The following SEMA3E variants were observed in gnomAD, a reference collection of about 807,000 sequenced individuals.
SEMA3E encodes the protein semaphorin-3E.
In SEMA3E, 49 loss-of-function variants were observed where a neutral mutation model predicts 93.6. The ratio of observed to expected loss-of-function variants is 0.52; its 90% confidence interval spans 0.42 to 0.66. The LOEUF (loss-of-function observed/expected upper bound fraction) is 0.66. Ranked by LOEUF, SEMA3E falls within the 30% of genes least tolerant of loss-of-function variation. The pLI is 0.00. For synonymous variants in SEMA3E, 363 were observed against 330.7 expected (o/e 1.10, Z -1.06); for missense variants, 906 against 964.8 (o/e 0.94, Z 0.81).
At chr7:83,442,598 TTTTC>T (rs1789138263) in intron 4 of SEMA3E, among the ~76,000 whole-genome samples, 2 of 152,206 alleles carry the variant, frequency 1.3e-5, no homozygotes, top group Admixed American at 1.3e-4. Context: ...TATTTTTCTC[TTTTC>T]TTTTTTCTAC....
intron 1 of SEMA3E, among the ~76,000 whole-genome samples, chr7:83,518,288 T>C (rs73376794): frequency 0.019 from 2,906 of 152,136 alleles, 92 homozygotes; most frequent in African/African-American, 0.066. Flanking sequence ...AATTAACGTG[T>C]TCATTTGCCA....
At chr7:83,593,510 A>G (rs1792804500) in intron 1 of SEMA3E, among the ~76,000 whole-genome samples, 1 of 152,050 alleles carries the variant, frequency 6.6e-6, no homozygotes. Context: ...TAGATATACA[A>G]TCAAGAATAC....
chr7:83,449,121 AC>A lies in SEMA3E; in HGVS notation c.456+17360del, dbSNP rs1355730589. On this transcript the variant is annotated intron_variant, in intron 4 of 16. Transcript: ENST00000643230. ...ATTTATTTATTTATTTATTTATGAG[AC>A]AGGTTCTGGCTCTGTCGCTCAGGCT... 5.7e-5 allele frequency among the ~76,000 whole-genome samples: 7 copies of A among 123,508 alleles called. No homozygotes were observed. In the East Asian group the frequency reaches 2.1e-3, roughly 36 times the overall value. 81.0% of individuals were successfully genotyped at this position (123,508 alleles called of 152,430 possible).
intron 1 of SEMA3E, among the ~76,000 whole-genome samples, chr7:83,635,126 T>A (rs1341256936): frequency 6.6e-6 from 1 of 152,068 alleles, no homozygotes; most frequent in Non-Finnish European, 1.5e-5. Flanking sequence ...GTAACACTTA[T>A]GCTTTGTGAC....
intron 4 of SEMA3E, among the ~76,000 whole-genome samples, chr7:83,433,402 A>G (rs1356190347): frequency 2.6e-5 from 4 of 152,120 alleles, no homozygotes; most frequent in African/African-American, 9.7e-5. Context: ...TGTTTACAAC[A>G]TTGACTCTTG....
intron 1 of SEMA3E, among the ~76,000 whole-genome samples, chr7:83,643,543 A>C (rs776852210): frequency 6.6e-6 from 1 of 151,980 alleles, no homozygotes; most frequent in Non-Finnish European, 1.5e-5. Flanking sequence ...CATCCAGATA[A>C]GAATTTAATA....
At chr7:83,523,969 A>T (rs556384693) in intron 1 of SEMA3E, among the ~76,000 whole-genome samples, 1 of 152,262 alleles carries the variant, frequency 6.6e-6, no homozygotes, top group African/African-American at 2.4e-5. Flanking sequence ...AAATGCTTCA[A>T]AAATCACATT....
chr7:83,377,225 T>G (rs1277968275), intron 16 of SEMA3E, among the ~76,000 whole-genome samples: 1 of 152,044 alleles, frequency 6.6e-6, no homozygotes, highest in Admixed American at 6.6e-5. Context: ...TAGTTTTAGT[T>G]TCAGAACAAA....
chr7:83,588,402 G>T (rs73380764), intron 1 of SEMA3E, among the ~76,000 whole-genome samples: 4,239 of 151,918 alleles, frequency 0.028, 198 homozygotes, highest in African/African-American at 0.097. Context: ...AGAAGAAGAA[G>T]AATTGTAAAA....
chr7:83,639,590 A>T (rs1793957559), intron 1 of SEMA3E, among the ~76,000 whole-genome samples: 1 of 151,568 alleles, frequency 6.6e-6, no homozygotes, highest in Admixed American at 6.6e-5. Context: ...AATATATTTA[A>T]AAACAATTAC....
chr7:83,578,464 G>A (rs1385148815), intron 1 of SEMA3E, among the ~76,000 whole-genome samples: 2 of 152,092 alleles, frequency 1.3e-5, no homozygotes, highest in Non-Finnish European at 2.9e-5. Context: ...GCTGAGGTAG[G>A]AGAATAGCTT....
intron 16 of SEMA3E, chr7:83,372,306 AC>A: frequency 2.5e-6 from 1 of 398,100 alleles, no homozygotes; most frequent in Non-Finnish European, 4.4e-6. Flanking sequence ...AAAAATGCAT[AC>A]AAACATCCTT....
At chr7:83,414,792 C>T (rs1159865922) in intron 5 of SEMA3E, among the ~76,000 whole-genome samples, 1 of 151,844 alleles carries the variant, frequency 6.6e-6, no homozygotes, top group African/African-American at 2.4e-5. Context: ...GTGTTTTTTT[C>T]CCCAAACTCT....
At chr7:83,486,698 G>T (rs1279206991) in intron 2 of SEMA3E, among the ~76,000 whole-genome samples, 1 of 152,128 alleles carries the variant, frequency 6.6e-6, no homozygotes, top group Non-Finnish European at 1.5e-5. Flanking sequence ...AAGAAATGCA[G>T]GTGGGGCTGA....
chr7:83,566,318 T>A (rs1792153839), intron 1 of SEMA3E, among the ~76,000 whole-genome samples: 1 of 152,080 alleles, frequency 6.6e-6, no homozygotes, highest in Admixed American at 6.5e-5. Flanking sequence ...ATGTTTCCAT[T>A]CTTTTGCACT....
intron 4 of SEMA3E, among the ~76,000 whole-genome samples, chr7:83,439,032 A>G (rs1789058152): frequency 6.6e-6 from 1 of 152,208 alleles, no homozygotes; most frequent in African/African-American, 2.4e-5. Flanking sequence ...TTTTTTTAGA[A>G]CAAAGATGCT....
At chr7:83,393,212 CTG>C (rs1381877986) in intron 13 of SEMA3E, among the ~76,000 whole-genome samples, 1 of 152,048 alleles carries the variant, frequency 6.6e-6, no homozygotes, top group African/African-American at 2.4e-5. Flanking sequence ...TTACCCAACA[CTG>C]TGGATCTTCC....
intron 4 of SEMA3E, among the ~76,000 whole-genome samples, chr7:83,460,821 C>T (rs1474540081): frequency 6.6e-6 from 1 of 151,348 alleles, no homozygotes; most frequent in South Asian, 2.1e-4. Context: ...ATCTCTGTGC[C>T]CCAACCCCTT....
chr7:83,404,160 G>A (rs1449170472), intron 9 of SEMA3E, among the ~76,000 whole-genome samples: 4 of 151,920 alleles, frequency 2.6e-5, no homozygotes, highest in Non-Finnish European at 5.9e-5. Context: ...TACTCTCCAT[G>A]CGCTGTGATA....
Sources: allele counts gnomAD v4.1 joint callset (sites outside exome capture counted in the v4.1 genomes callset), GRCh38; gene constraint gnomAD v4.1.1; transcripts MANE v1.5; gene names NCBI Gene and HGNC (gene_info 2026-07-23, HGNC 2026-07-21).